The following C16orf92 variants were observed in gnomAD, a reference collection of about 807,000 sequenced individuals.
C16orf92 encodes the protein fertilization-influencing membrane protein.
A neutral mutation model predicts 13.7 loss-of-function variants in C16orf92; 14 were observed. The observed-to-expected ratio is 1.02, with a 90% CI of 0.67 to 1.60. The LOEUF is 1.60. C16orf92 is among the 40% of genes most tolerant of loss of function. C16orf92 has a pLI of 0.00. For synonymous variants in C16orf92, 50 were observed against 57.4 expected, an observed-to-expected ratio of 0.87 and a Z score of 0.58; for missense variants, 116 against 139.0, an observed-to-expected ratio of 0.83 and a Z score of 0.83.
chr16:30,026,708 C>T (rs146159239), downstream of C16orf92: 27 of 1,613,842 alleles, frequency 1.7e-5, no homozygotes, highest in African/African-American at 2.7e-5. Context: ...ACGTGCTGCC[C>T]GGGGCTCTGG....
chr16:30,026,506 G>C, downstream of C16orf92: 1 of 978,918 alleles, frequency 1.0e-6, no homozygotes, highest in South Asian at 1.6e-5. Context: ...GGTCTGCTTG[G>C]TTGTCAGTAC....
downstream of C16orf92, chr16:30,027,555 CT>C (rs780821198): frequency 4.4e-6 from 2 of 455,972 alleles, no homozygotes; most frequent in South Asian, 3.1e-5. Context: ...GCTGTTCGCC[CT>C]GCCCCAAAGT....
At chr16:30,023,919 C>A (rs772531240) in intron 2 of C16orf92, 34 bp downstream of exon 2, 3 of 1,597,090 alleles carry the variant, frequency 1.9e-6, no homozygotes, top group African/African-American at 2.7e-5. Flanking sequence ...CCTCCCTCCC[C>A]GCCAGGGTCT....
At chr16:30,026,515 A>T, downstream of C16orf92, 1 of 1,095,626 alleles carries the variant, frequency 9.1e-7, no homozygotes, top group Non-Finnish European at 1.3e-6. Context: ...GGTTGTCAGT[A>T]CGCAGACCCG....
intron 1 of C16orf92, 139 bp downstream of exon 1, chr16:30,023,543 C>A: frequency 7.2e-7 from 1 of 1,398,534 alleles, no homozygotes; most frequent in South Asian, 1.3e-5. Flanking sequence ...GCTGGTCCCA[C>A]CTACCCCCCA....
downstream of C16orf92, chr16:30,025,686 C>T: frequency 6.3e-7 from 1 of 1,597,934 alleles, no homozygotes; most frequent in South Asian, 1.1e-5. The surrounding 1 kb of genome is among the most constrained non-coding windows in gnomAD (Gnocchi z 4.1). Flanking sequence ...CTTCCTGTGA[C>T]CTCCCCATTG....
At chr16:30,026,504 T>C, downstream of C16orf92, 1 of 952,234 alleles carries the variant, frequency 1.1e-6, no homozygotes, top group Non-Finnish European at 1.6e-6. Flanking sequence ...TGGGTCTGCT[T>C]GGTTGTCAGT....
At chr16:30,025,939 C>G (rs566581041), downstream of C16orf92, 1 of 767,754 alleles carries the variant, frequency 1.3e-6, no homozygotes, top group African/African-American at 1.7e-5. The surrounding 1 kb of genome is among the most constrained non-coding windows in gnomAD (Gnocchi z 4.1). Context: ...AACATCAGAA[C>G]ACCTGGGTGC....
downstream of C16orf92, chr16:30,027,674 A>T (rs2150978786): frequency 2.2e-6 from 1 of 455,610 alleles, no homozygotes; most frequent in African/African-American, 2.0e-5. Context: ...ATGTACTTGG[A>T]GAGTAAACAA....
chr16:30,025,723 C>G (rs774458394), downstream of C16orf92: 2 of 1,613,978 alleles, frequency 1.2e-6, no homozygotes, highest in Non-Finnish European at 1.7e-6. This position sits in a 1 kb window ranked among gnomAD's most constrained non-coding sequence, Gnocchi z 4.1. Flanking sequence ...CATGCTCACT[C>G]ACCTGGATGA....
chr16:30,027,013 T>A (rs1351561685), downstream of C16orf92: 7 of 699,704 alleles, frequency 1.0e-5, no homozygotes, highest in East Asian at 1.9e-4. Context: ...CACACAGTCA[T>A]GCAGCTAGTA....
rs922447215 is a variant in C16orf92, at chr16:30,024,437, G to A, written c.*210G>A. On this transcript the variant is annotated 3_prime_UTR_variant, in exon 4 of 4. Transcript: ENST00000681219. ...TGGCAAGGGCCTTGGTGGCGTTCAC[G>A]CAGATCGTCTTTTATTAGCGGTCTG... 1.6e-5 allele frequency: 11 copies of A among 678,010 alleles called. No individual in the cohort carries two copies. Among genetic ancestry groups the A allele is most frequent in the African/African-American group, 7.2e-5 (4 of 55,302 alleles). The allele number at this position is 678,010 out of a possible 1,614,324, so 42.0% of individuals were successfully genotyped here.
At position 30,023,258 on chromosome 16, in the gene C16orf92, G is replaced by A; in HGVS notation, c.-83G>A. On this transcript the variant is annotated 5_prime_UTR_variant, in exon 1 of 4. Coordinates refer to ENST00000681219, the MANE Select transcript of C16orf92 (RefSeq NM_001109659.2). Reference sequence around the variant, plus strand: ...GATGGGGGAGGGGTCCCAGCTCCTAGCACTTTCTCCCCTCACCCCAAAGTG... The same window carrying A: ...GATGGGGGAGGGGTCCCAGCTCCTAACACTTTCTCCCCTCACCCCAAAGTG... The A allele has an allele frequency of 1.6e-6, 2 of 1,285,782 alleles. No homozygotes were observed. The highest frequency in any genetic ancestry group is 2.6e-5 in the South Asian group (2 of 78,144). 79.6% of individuals were successfully genotyped at this position (1,285,782 alleles called of 1,614,324 possible). A position where few individuals can be genotyped will look rare whatever the true frequency, so the allele number is the denominator to read the frequency against.
At position 30,023,551 on chromosome 16, in the gene C16orf92, C is replaced by T; in HGVS notation, c.64+147C>T. ...CCATCCTGCTGGTCCCACCTACCCC[C>T]CAACAACCGCGAGCCTTGTCGTGGT... On this transcript the variant is annotated intron_variant, in intron 1 of 3. Transcript: ENST00000681219. 5 of 1,413,826 alleles carry T rather than the reference C, an allele frequency of 3.5e-6. 1 individual carries two copies. In the South Asian group the frequency reaches 6.3e-5, roughly 18 times the overall value. The allele number at this position is 1,413,826 out of a possible 1,614,324, so 87.6% of individuals were successfully genotyped here.
intron 1 of C16orf92, 127 bp downstream of exon 1, chr16:30,023,531 C>G (rs1006876557): frequency 1.0e-5 from 14 of 1,379,272 alleles, no homozygotes; most frequent in Non-Finnish European, 1.4e-5. Context: ...CTCTCCCATC[C>G]TGCTGGTCCC....
In C16orf92 at chr16:30,023,296, C is replaced by A; in HGVS notation, c.-45C>A. The A allele has an allele frequency of 6.4e-7, 1 of 1,551,890 alleles. No individual in the cohort carries two copies. The highest frequency in any genetic ancestry group is 8.8e-7 in the Non-Finnish European group (1 of 1,141,722). On this transcript the variant is annotated 5_prime_UTR_variant, in exon 1 of 4. Transcript: ENST00000681219. ...TCACCCCAAAGTGCCATCAGAACAG[C>A]TCTGGGCTGTGACATCACAGAGCCC...
At chr16:30,027,669 C>T, downstream of C16orf92, 1 of 455,696 alleles carries the variant, frequency 2.2e-6, no homozygotes, top group South Asian at 1.5e-5. Context: ...GTTCCATGTA[C>T]TTGGAGAGTA....
At chr16:30,024,709 G>T (rs915353045), downstream of C16orf92, 3 of 188,424 alleles carry the variant, frequency 1.6e-5, no homozygotes, top group Non-Finnish European at 3.2e-5. Flanking sequence ...CCTCAAGCTG[G>T]CCTACCCTGG....
chr16:30,023,928 C>A, intron 2 of C16orf92, 43 bp downstream of exon 2: 1 of 1,594,652 alleles, frequency 6.3e-7, no homozygotes, highest in Non-Finnish European at 8.6e-7. Flanking sequence ...CCGCCAGGGT[C>A]TGGAGGAGAG....
Sources: gnomAD v4.1 joint callset for allele counts on GRCh38, gnomAD v4.1.1 for gene constraint, Gnocchi (gnomAD v3.1) non-coding constraint, MANE v1.5 for transcripts, NCBI Gene and HGNC (gene_info 2026-07-23, HGNC 2026-07-21) for gene names.